HSP90B1: variants seen among roughly 807,000 people sequenced by gnomAD.
The protein encoded by HSP90B1 is endoplasmin.
A neutral mutation model predicts 100.4 loss-of-function variants in HSP90B1; 27 were observed. The ratio of observed to expected loss-of-function variants is 0.27; its 90% confidence interval spans 0.20 to 0.37. HSP90B1 has a LOEUF of 0.37. Ranked by LOEUF, HSP90B1 falls within the 10% of genes least tolerant of loss-of-function variation. The probability of loss-of-function intolerance (pLI) is 1.00; values close to 1 mark genes in which losing one functional copy is unlikely to be tolerated. For synonymous variants in HSP90B1, 304 were observed against 330.8 expected (o/e 0.92, Z 0.88); for missense variants, 678 against 960.5 (o/e 0.71, Z 3.89).
chr12:103,936,468 C>A (rs1869918178), intron 5 of HSP90B1, among the ~76,000 whole-genome samples: 1 of 151,818 alleles, frequency 6.6e-6, no homozygotes, highest in Admixed American at 6.6e-5. Context: ...ATAATGGGAT[C>A]CCATCTCCAC....
At chr12:103,935,160 A>C (rs1869875827) in intron 5 of HSP90B1, among the ~76,000 whole-genome samples, 1 of 152,190 alleles carries the variant, frequency 6.6e-6, no homozygotes, top group Non-Finnish European at 1.5e-5. Context: ...GGCTTAAAGA[A>C]AGTTCATGAA....
Position 103,946,685 on chromosome 12 carries a change from C to T in HSP90B1, c.2095C>T (p.Arg699Ter). 2 of 1,613,828 alleles carry T rather than the reference C, an allele frequency of 1.2e-6. No homozygotes were observed. Among genetic ancestry groups the T allele is most frequent in the Non-Finnish European group, 1.7e-6 (2 of 1,179,764 alleles). ...PRHPLIRDML[R>*]RIKEDEDDKT... ...ACACCCGCTGATCAGAGACATGCTT[C>T]GACGAATTAAGGTAGTATTAAAGCA... The change falls in exon 15 of 18, where the codon CGA becomes TGA. Residue 699 changes from arginine (R) to a stop codon, truncating the protein, a stop_gained. Coordinates refer to ENST00000299767, the MANE Select transcript of HSP90B1 (RefSeq NM_003299.3). LOFTEE classifies it high-confidence loss of function.
intron 7 of HSP90B1, 144 bp from the exon 8 acceptor site, chr12:103,939,358 CTCCCAAA>C: frequency 2.8e-6 from 1 of 360,148 alleles, no homozygotes. Context: ...CTACCCTAAC[CTCCCAAA>C]GTGCTAGGAT....
intron 14 of HSP90B1, among the ~76,000 whole-genome samples, 192 bp from the exon 15 acceptor site, chr12:103,946,426 G>A (rs1165693): frequency 0.41 from 62,292 of 151,812 alleles, 14,034 homozygotes; most frequent in African/African-American, 0.59. Context: ...CTGCACATAC[G>A]GAGGGCGGAC....
At chr12:103,935,573 T>A (rs971315562) in intron 5 of HSP90B1, among the ~76,000 whole-genome samples, 17 of 152,244 alleles carry the variant, frequency 1.1e-4, no homozygotes, top group Admixed American at 1.1e-3. Flanking sequence ...CTGCAGCAGA[T>A]GTTCTTTTAA....
At chr12:103,938,564 G>C (rs1869987022) in intron 7 of HSP90B1, 105 bp downstream of exon 7, 1 of 1,278,082 alleles carries the variant, frequency 7.8e-7, no homozygotes, top group African/African-American at 1.5e-5. Context: ...CTTCAGTTCA[G>C]GTGCTAAGTC....
intron 5 of HSP90B1, among the ~76,000 whole-genome samples, chr12:103,936,515 T>C (rs1298265792): frequency 6.6e-6 from 1 of 150,444 alleles, no homozygotes; most frequent in African/African-American, 2.5e-5. Context: ...GGCACAGTGG[T>C]GCATGCCTGT....
rs1869987890 is a variant in HSP90B1 at position 103,938,579 on chromosome 12, G to A, written c.975+120G>A. ...CTTCAGTTCAGGTGCTAAGTCCATG[G>A]AGCCAGCTTTTAAAATAAGGCCTTT... On this transcript the variant is annotated intron_variant, in intron 7 of 17. Transcript: ENST00000299767. 6.3e-6 allele frequency: 7 copies of A among 1,104,734 alleles called. No homozygotes were observed. In the South Asian group the frequency reaches 1.0e-4, roughly 16 times the overall value. 68.4% of individuals were successfully genotyped at this position (1,104,734 alleles called of 1,614,324 possible).
chr12:103,930,598 C>T lies in HSP90B1; in HGVS notation c.49+34C>T. On this transcript the variant is annotated intron_variant, in intron 1 of 17. Transcript: ENST00000299767. This position sits in a 1 kb window ranked among gnomAD's most constrained non-coding sequence, Gnocchi z 4.4. ...TTCTGGAGGAGCAGACGTCCCCCCT[C>T]CACACACGCGGCCGCTTCTCGAAGG... The T allele has an allele frequency of 6.3e-7, 1 of 1,589,666 alleles. No individual in the cohort carries two copies. Among genetic ancestry groups the T allele is most frequent in the Non-Finnish European group, 8.6e-7 (1 of 1,168,904 alleles).
At chr12:103,933,838 T>G (rs1869831578) in intron 4 of HSP90B1, 118 bp from the exon 5 acceptor site, 1 of 718,856 alleles carries the variant, frequency 1.4e-6, no homozygotes, top group Admixed American at 2.9e-5. Context: ...GAGGAAAATA[T>G]CTCAGTTTAG....
At position 103,941,667 on chromosome 12, in the gene HSP90B1, T is replaced by C. The variant is rs764226548; in HGVS notation, c.1269T>C (p.His423=). ...VRRVFITDDF[H]DMMPKYLNFV... ...GTGTATTCATCACAGACGACTTCCA[T>C]GATATGATGCCTAAATACCTCAATT... is the stretch of plus-strand genomic sequence containing the variant. The change falls in exon 10 of 18, where the codon CAT becomes CAC. Residue 423 remains histidine, a synonymous_variant. Coordinates refer to ENST00000299767, the MANE Select transcript of HSP90B1 (RefSeq NM_003299.3). 1.2e-6 allele frequency: 2 copies of C among 1,614,170 alleles called. No homozygotes were observed. The highest frequency in any genetic ancestry group is 2.2e-5 in the South Asian group (2 of 91,088).
chr12:103,938,123 A>G (rs2136214707), intron 6 of HSP90B1: 2 of 435,928 alleles, frequency 4.6e-6, no homozygotes, highest in East Asian at 9.1e-5. Flanking sequence ...GTGAGCCAAG[A>G]TCGCCCCACT....
intron 2 of HSP90B1, chr12:103,931,919 T>G (rs888957201): frequency 4.5e-6 from 2 of 446,668 alleles, no homozygotes; most frequent in African/African-American, 4.0e-5. Context: ...CGAGTAAGTT[T>G]AAAAATGGGA....
chr12:103,939,661 A>C, intron 8 of HSP90B1, 36 bp downstream of exon 8: 1 of 958,102 alleles, frequency 1.0e-6, no homozygotes, highest in South Asian at 1.6e-5. Flanking sequence ...CTGGTTATTA[A>C]TGAATAGACA....
intron 14 of HSP90B1, among the ~76,000 whole-genome samples, chr12:103,945,936 A>G (rs1313320591): frequency 6.6e-6 from 1 of 152,132 alleles, no homozygotes; most frequent in Non-Finnish European, 1.5e-5. Context: ...CTAAATAAGG[A>G]AACAGTGCAG....
chr12:103,943,099 G>T lies in HSP90B1; in HGVS notation c.1670G>T (p.Arg557Leu). 6.2e-7 allele frequency: 1 copy of T among 1,613,984 alleles called. No homozygotes were observed. Among genetic ancestry groups the T allele is most frequent in the South Asian group, 1.1e-5 (1 of 91,010 alleles). Reference sequence around the variant, plus strand: ...GCTGAATCTTCTCCATTTGTTGAGCGACTTCTGAAAAAGGGCTATGAAGTT... The same window carrying T: ...GCTGAATCTTCTCCATTTGTTGAGCTACTTCTGAAAAAGGGCTATGAAGTT... Reference protein sequence around the residue: ...KEAESSPFVERLLKKGYEVIY... With the variant: ...KEAESSPFVELLLKKGYEVIY... The change falls in exon 13 of 18, where the codon CGA becomes CTA. Residue 557 changes from arginine (R) to leucine (L), a missense_variant. By Grantham distance (102) the Arg-to-Leu change is moderately radical (BLOSUM62 -2). Around this residue, in one of 8 missense-constraint regions of HSP90B1, gnomAD observed 170 missense variants for 236.7 expected, o/e 0.72. Coordinates refer to ENST00000299767, the MANE Select transcript of HSP90B1 (RefSeq NM_003299.3). The surrounding 1 kb of genome is among the most constrained non-coding windows in gnomAD (Gnocchi z 5.3).
At chr12:103,932,039 GA>G (rs1216478132) in intron 2 of HSP90B1, 1 of 468,974 alleles carries the variant, frequency 2.1e-6, no homozygotes, top group Admixed American at 3.9e-5. Flanking sequence ...TTTAGTAGAG[GA>G]AAGTTGGGAT....
chr12:103,932,230 AG>A, intron 2 of HSP90B1, 46 bp from the exon 3 acceptor site: 10 of 1,501,978 alleles, frequency 6.7e-6, no homozygotes, highest in Non-Finnish European at 9.0e-6. Context: ...CTAGTTTTGA[AG>A]GGAACTATGC....
chr12:103,947,424 A>T lies in HSP90B1; in HGVS notation c.2376A>T (p.Thr792=). The change falls in exon 17 of 18, where the codon ACA becomes ACT. Residue 792 remains threonine (T), a synonymous_variant. Transcript: ENST00000299767. ...TGGGAACAGATGAAGAAGAAGAAAC[A>T]GCAAAGGTATGGCAAATCAAGAATG... ...MDVGTDEEEE[T]AKESTAEKDE... 1 of 1,614,124 alleles carries T rather than the reference A, an allele frequency of 6.2e-7. No homozygotes were observed. Among genetic ancestry groups the T allele is most frequent in the Non-Finnish European group, 8.5e-7 (1 of 1,179,964 alleles).
Sources: gnomAD v4.1 joint callset for allele counts (sites outside exome capture counted in the v4.1 genomes callset) on GRCh38, gnomAD v4.1.1 for gene constraint, gnomAD v4.1.1 regional missense constraint, Gnocchi (gnomAD v3.1) non-coding constraint, MANE v1.5 for transcripts, NCBI Gene and HGNC (gene_info 2026-07-23, HGNC 2026-07-21) for gene names.